Variants in ADGRD1 observed in about 807,000 individuals in gnomAD.
ADGRD1 encodes the protein adhesion G protein-coupled receptor D1.
A neutral mutation model predicts 113.4 loss-of-function variants in ADGRD1; 77 were observed. The ratio of observed to expected loss-of-function variants is 0.68; its 90% CI spans 0.57 to 0.82. ADGRD1 has a LOEUF of 0.82. Ranked by LOEUF, ADGRD1 falls within the 40% of genes least tolerant of loss-of-function variation. The pLI is 0.00. For synonymous variants in ADGRD1, 474 were observed against 475.0 expected, an observed-to-expected ratio of 1.00 and a Z score of 0.03; for missense variants, 1,036 against 1,139.1, an observed-to-expected ratio of 0.91 and a Z score of 1.30.
intron 15 of ADGRD1, among the ~76,000 whole-genome samples, chr12:131,097,878 C>T (rs1887404011): frequency 6.6e-6 from 1 of 152,248 alleles, no homozygotes. Flanking sequence ...ATCCTCTGCT[C>T]ACCCTGCTCT....
At chr12:131,040,601 T>TGGGCC (rs751335474) in intron 13 of ADGRD1, among the ~76,000 whole-genome samples, 11 of 152,250 alleles carry the variant, frequency 7.2e-5, no homozygotes, top group Non-Finnish European at 1.6e-4. Context: ...AATAGAGGCC[T>TGGGCC]GGGCCGGGCA....
intron 7 of ADGRD1, 34 bp from the exon 8 acceptor site, chr12:130,992,196 TTTAGTTC>T (rs777591880): frequency 6.4e-7 from 1 of 1,561,250 alleles, no homozygotes; most frequent in South Asian, 1.2e-5. Context: ...ATATTTTGGT[TTTAGTTC>T]TTAGTAGAAA....
chr12:131,087,474 G>A (rs1469615314), intron 15 of ADGRD1, among the ~76,000 whole-genome samples: 2 of 152,208 alleles, frequency 1.3e-5, no homozygotes, highest in Non-Finnish European at 2.9e-5. Context: ...GGCCGGCCAC[G>A]AAGCAAGTGG....
chr12:130,973,713 C>T (rs975138009), intron 4 of ADGRD1, among the ~76,000 whole-genome samples: 9 of 152,194 alleles, frequency 5.9e-5, no homozygotes, highest in Admixed American at 2.6e-4. Context: ...CTTCATGTCC[C>T]GCTGTTGACA....
At chr12:131,103,166 G>A (rs908104265) in intron 15 of ADGRD1, among the ~76,000 whole-genome samples, 9 of 152,382 alleles carry the variant, frequency 5.9e-5, no homozygotes, top group African/African-American at 1.9e-4. Context: ...GGCCTGAGCC[G>A]GCGTTCAGCA....
At chr12:131,131,864 A>G in intron 21 of ADGRD1, 48 bp downstream of exon 21, 1 of 1,249,464 alleles carries the variant, frequency 8.0e-7, no homozygotes, top group Non-Finnish European at 1.2e-6. Flanking sequence ...TTCTGCCCCC[A>G]GAGGATGCTT....
At position 130,958,430 on chromosome 12, in the gene ADGRD1, C is replaced by T. The variant is rs371864577; in HGVS notation, c.103+3770C>T. Among the ~76,000 whole-genome samples, 36 of 152,220 alleles carry T rather than the reference C, an allele frequency of 2.4e-4. No homozygotes were observed. In the East Asian group the frequency reaches 4.4e-3, roughly 19 times the overall value. ...GACCAGGCTGGTCTCAAACTCCTGACCTCAGGTGATCCGCCTGCCTCGGCC... is the reference window on the plus strand; with the variant it reads ...GACCAGGCTGGTCTCAAACTCCTGATCTCAGGTGATCCGCCTGCCTCGGCC... On this transcript the variant is annotated intron_variant, in intron 2 of 24. Transcript: ENST00000261654.
intron 20 of ADGRD1, among the ~76,000 whole-genome samples, chr12:131,126,056 G>T (rs1298019173): frequency 6.6e-6 from 1 of 152,192 alleles, no homozygotes; most frequent in Non-Finnish European, 1.5e-5. Context: ...CATAGATACG[G>T]ATACCTAAAT....
At chr12:130,959,970 C>T (rs551429421) in intron 2 of ADGRD1, among the ~76,000 whole-genome samples, 4 of 152,278 alleles carry the variant, frequency 2.6e-5, no homozygotes, top group African/African-American at 9.6e-5. Flanking sequence ...AATCCAGGGT[C>T]GGCAGAGTCC....
chr12:131,042,805 T>C (rs1882273640), intron 13 of ADGRD1, among the ~76,000 whole-genome samples: 2 of 152,238 alleles, frequency 1.3e-5, no homozygotes, highest in South Asian at 2.1e-4. Context: ...GAGTTTGAAA[T>C]TGATGGCTTT....
chr12:131,120,927 C>A lies in ADGRD1; in HGVS notation c.2175+14C>A, dbSNP rs2137415758. 1.2e-6 allele frequency: 2 copies of A among 1,612,598 alleles called. No individual in the cohort carries two copies. The highest frequency in any genetic ancestry group is 1.7e-6 in the Non-Finnish European group (2 of 1,178,930). ...TTTGTCATCGTGGTACGTTTCCTACCCTTGTGGGCGCAGAGCGGGGCTGGG... is the reference window on the plus strand; with the variant it reads ...TTTGTCATCGTGGTACGTTTCCTACACTTGTGGGCGCAGAGCGGGGCTGGG... On this transcript the variant is annotated intron_variant, in intron 20 of 24. Transcript: ENST00000261654.
chr12:131,052,608 T>C (rs1883506536), intron 13 of ADGRD1, among the ~76,000 whole-genome samples: 1 of 148,376 alleles, frequency 6.7e-6, no homozygotes, highest in South Asian at 2.2e-4. Flanking sequence ...AATGCACGGA[T>C]TGGCTTAGAC....
At chr12:130,964,847 G>A (rs1870831004) in intron 2 of ADGRD1, among the ~76,000 whole-genome samples, 1 of 152,056 alleles carries the variant, frequency 6.6e-6, no homozygotes, top group African/African-American at 2.4e-5. Context: ...CCTTATCATT[G>A]AGTGTGAATC....
chr12:131,054,306 C>T (rs1160359839), intron 13 of ADGRD1, among the ~76,000 whole-genome samples: 1 of 152,204 alleles, frequency 6.6e-6, no homozygotes, highest in Non-Finnish European at 1.5e-5. Context: ...CTCCCCTGTC[C>T]CAAGGCAACC....
At chr12:130,994,392 C>T (rs894509973) in intron 8 of ADGRD1, 28 of 275,512 alleles carry the variant, frequency 1.0e-4, no homozygotes, top group Admixed American at 2.2e-4. Flanking sequence ...GGCACTAGTG[C>T]CCTGCCTGTA....
intron 9 of ADGRD1, among the ~76,000 whole-genome samples, chr12:131,001,867 G>A (rs1336181042): frequency 1.3e-5 from 2 of 152,302 alleles, no homozygotes; most frequent in East Asian, 3.9e-4. Context: ...GATAATATTT[G>A]AAAATGTTTG....
Position 131,137,020 on chromosome 12 carries a change from T to C in ADGRD1, c.2436+6T>C. The C allele has an allele frequency of 6.2e-7, 1 of 1,610,286 alleles. No homozygotes were observed. On this transcript the variant is annotated splice_donor_region_variant and intron_variant, in intron 23 of 24. Transcript: ENST00000261654. ...ATTGTCTCCTGAATTCAGAGGTACGTCCGCTCTGCTTGCTGGCAGGTGCAG... is the reference window on the plus strand; with the variant it reads ...ATTGTCTCCTGAATTCAGAGGTACGCCCGCTCTGCTTGCTGGCAGGTGCAG...
intron 14 of ADGRD1, among the ~76,000 whole-genome samples, chr12:131,079,949 T>G (rs963335165): frequency 6.6e-6 from 1 of 152,182 alleles, no homozygotes; most frequent in Non-Finnish European, 1.5e-5. Flanking sequence ...TTTTCTCTCT[T>G]GTGTTTCTGT....
Position 130,965,668 on chromosome 12 carries a change from A to G in ADGRD1, c.104-795A>G, listed in dbSNP as rs981468699. ...CAGCCACTCAAGAGACTGTTACCCA[A>G]ACTCAATTATGAGGGTTAGATAGAA... On this transcript the variant is annotated intron_variant, in intron 2 of 24. Coordinates refer to ENST00000261654, the MANE Select transcript of ADGRD1 (RefSeq NM_198827.5). The surrounding 1 kb of genome is among the most constrained non-coding windows in gnomAD (Gnocchi z 4.8). Among the ~76,000 whole-genome samples the G allele has an allele frequency of 6.6e-6, 1 of 152,256 alleles. No homozygotes were observed. Among genetic ancestry groups the G allele is most frequent in the Non-Finnish European group, 1.5e-5 (1 of 68,036 alleles).
Sources: gnomAD v4.1 joint callset for allele counts (sites outside exome capture counted in the v4.1 genomes callset) on GRCh38, gnomAD v4.1.1 for gene constraint, Gnocchi (gnomAD v3.1) non-coding constraint, MANE v1.5 for transcripts, NCBI Gene and HGNC (gene_info 2026-07-23, HGNC 2026-07-21) for gene names.